NCAM2: variants seen among roughly 807,000 people sequenced by gnomAD.
NCAM2 encodes neural cell adhesion molecule 2.
NCAM2 carries 30 observed loss-of-function variants against 98.1 expected under a neutral mutation model. The observed-to-expected ratio is 0.31, with a 90% confidence interval of 0.23 to 0.41. NCAM2 has a LOEUF of 0.41. Among genes scored for constraint, NCAM2 ranks in the 10% least tolerant of loss-of-function variants. NCAM2 has a pLI of 1.00. For missense variants in NCAM2, 867 were observed against 1,005.8 expected (o/e 0.86, Z 1.87); for synonymous variants, 368 against 342.4 (o/e 1.07, Z -0.83).
chr21:21,316,754 G>A (rs942403765), intron 5 of NCAM2, among the ~76,000 whole-genome samples: 1 of 151,850 alleles, frequency 6.6e-6, no homozygotes, highest in African/African-American at 2.4e-5. Flanking sequence ...TTCTTGGCCA[G>A]GCTGGTCTCA....
At chr21:21,307,952 C>A (rs572593092) in intron 5 of NCAM2, among the ~76,000 whole-genome samples, 2 of 152,118 alleles carry the variant, frequency 1.3e-5, no homozygotes, top group East Asian at 3.9e-4. Context: ...AAAACACCTG[C>A]AAAGTCTTTT....
intron 8 of NCAM2, among the ~76,000 whole-genome samples, chr21:21,344,527 G>A (rs939096864): frequency 1.3e-5 from 2 of 152,120 alleles, no homozygotes; most frequent in Admixed American, 1.3e-4. Context: ...TGGCTACAGG[G>A]TGAGGCTCCT....
At chr21:21,489,020 T>C (rs1986629601) in intron 15 of NCAM2, among the ~76,000 whole-genome samples, 1 of 152,162 alleles carries the variant, frequency 6.6e-6, no homozygotes, top group Non-Finnish European at 1.5e-5. Context: ...AGACAGACTC[T>C]TGCTCTGTCG....
chr21:21,539,421 G>A lies in NCAM2; in HGVS notation c.*1464G>A, dbSNP rs1247613414. The A allele has an allele frequency of 1.3e-5, 2 of 152,098 alleles. No homozygotes were observed. The highest frequency in any genetic ancestry group is 2.9e-5 in the Non-Finnish European group (2 of 68,038). The allele number at this position is 152,098 out of a possible 1,614,324, so 9.4% of individuals were successfully genotyped here. On this transcript the variant is annotated 3_prime_UTR_variant, in exon 18 of 18. Transcript: ENST00000400546. Reference sequence around the variant, plus strand: ...CAAATAGTGACAGGACAGGGAATGCGTTCCAAAGGAATATTGGAGCAATTT... The same window carrying A: ...CAAATAGTGACAGGACAGGGAATGCATTCCAAAGGAATATTGGAGCAATTT...
intron 1 of NCAM2, among the ~76,000 whole-genome samples, chr21:21,009,259 G>GAT (rs2064163657): frequency 6.6e-6 from 1 of 152,066 alleles, no homozygotes; most frequent in Admixed American, 6.5e-5. Context: ...GAAAATACAT[G>GAT]ATATGTTGGC....
chr21:21,059,579 C>T (rs2065280483), intron 1 of NCAM2, among the ~76,000 whole-genome samples: 1 of 152,088 alleles, frequency 6.6e-6, no homozygotes, highest in Non-Finnish European at 1.5e-5. Context: ...ACATATTAAT[C>T]TAGACTTCAT....
chr21:21,070,267 G>GTATA (rs56050809), intron 1 of NCAM2, among the ~76,000 whole-genome samples: 11,685 of 145,118 alleles, frequency 0.081, 483 homozygotes, highest in East Asian at 0.18. Flanking sequence ...TGTACATAGT[G>GTATA]TATATATATA....
chr21:21,100,216 G>T (rs2066211917), intron 1 of NCAM2, among the ~76,000 whole-genome samples: 1 of 151,868 alleles, frequency 6.6e-6, no homozygotes, highest in Non-Finnish European at 1.5e-5. Context: ...CATGCATTTG[G>T]TATTTGACCA....
chr21:21,040,299 G>A (rs6518046), intron 1 of NCAM2, among the ~76,000 whole-genome samples: 141,640 of 152,140 alleles, frequency 0.93, 66,758 homozygotes, highest in East Asian at 1. Flanking sequence ...TTACCATTAC[G>A]CAACTGACTC....
chr21:21,317,741 C>T (rs928513169), intron 5 of NCAM2, among the ~76,000 whole-genome samples: 5 of 151,902 alleles, frequency 3.3e-5, no homozygotes, highest in African/African-American at 1.2e-4. Context: ...CATTATGTTT[C>T]TCAGGCTCAT....
intron 10 of NCAM2, among the ~76,000 whole-genome samples, chr21:21,411,992 TTA>T (rs1489664128): frequency 6.6e-6 from 1 of 152,244 alleles, no homozygotes; most frequent in Non-Finnish European, 1.5e-5. Flanking sequence ...AATCTAAATT[TTA>T]TGTGTTTTAC....
chr21:21,465,017 C>G (rs1438997757), intron 12 of NCAM2, among the ~76,000 whole-genome samples: 1 of 152,026 alleles, frequency 6.6e-6, no homozygotes, highest in Admixed American at 6.6e-5. Context: ...GCAGTACACT[C>G]TAAAAAGCAA....
rs549851692 is a variant in NCAM2, at chr21:21,088,832, C to T, written c.55+90214C>T. Among the ~76,000 whole-genome samples the T allele has an allele frequency of 1.9e-3, 293 of 151,946 alleles. 4 individuals carry two copies. Among genetic ancestry groups the T allele is most frequent in the Middle Eastern group, 6.8e-3 (2 of 294 alleles). On this transcript the variant is annotated intron_variant, in intron 1 of 17. Coordinates refer to ENST00000400546, the MANE Select transcript of NCAM2 (RefSeq NM_004540.5). The stretch of plus-strand genomic sequence containing the variant: ...AAAATACAAAAAAAAATTAGCCGGG[C>T]GTGGTGGCGGGCGCCTGTAGTCCCA...
At chr21:21,196,675 G>T (rs1601618687) in intron 1 of NCAM2, among the ~76,000 whole-genome samples, 1 of 152,212 alleles carries the variant, frequency 6.6e-6, no homozygotes, top group Admixed American at 6.5e-5. Context: ...TATGGCAGGG[G>T]CCAGAAACTG....
At chr21:21,452,482 A>G (rs1329479400) in intron 12 of NCAM2, among the ~76,000 whole-genome samples, 1 of 138,754 alleles carries the variant, frequency 7.2e-6, no homozygotes, top group Non-Finnish European at 1.5e-5. Context: ...GCATCAATAG[A>G]TAAAATATCA....
intron 12 of NCAM2, among the ~76,000 whole-genome samples, chr21:21,461,286 A>G (rs1361846657): frequency 6.6e-6 from 1 of 151,902 alleles, no homozygotes; most frequent in African/African-American, 2.4e-5. Flanking sequence ...ATGTTTTTAA[A>G]TTAATGTTTT....
At chr21:21,128,428 G>T (rs1184859515) in intron 1 of NCAM2, among the ~76,000 whole-genome samples, 1 of 151,974 alleles carries the variant, frequency 6.6e-6, no homozygotes, top group Non-Finnish European at 1.5e-5. Flanking sequence ...GAGCAGAGAG[G>T]GTGACTGATG....
chr21:21,038,861 C>T (rs6518045), intron 1 of NCAM2, among the ~76,000 whole-genome samples: 141,694 of 152,176 alleles, frequency 0.93, 66,796 homozygotes, highest in East Asian at 1. Context: ...GTGAGGAATA[C>T]GAAGGCCGCT....
chr21:21,240,520 G>A (rs62209190), intron 1 of NCAM2, among the ~76,000 whole-genome samples: 1 of 152,174 alleles, frequency 6.6e-6, no homozygotes, highest in Non-Finnish European at 1.5e-5. Flanking sequence ...TCATGGTGTG[G>A]TGGAAAAGGC....
Sources: allele counts gnomAD v4.1 joint callset (sites outside exome capture counted in the v4.1 genomes callset), GRCh38; gene constraint gnomAD v4.1.1; transcripts MANE v1.5; gene names NCBI Gene and HGNC (gene_info 2026-07-23, HGNC 2026-07-21).